The following PLLP variants were observed in gnomAD, a reference collection of about 807,000 sequenced individuals.
The protein encoded by PLLP is plasmolipin.
Under a neutral mutation model 19.7 loss-of-function variants are expected in PLLP, and 15 were observed. The ratio of observed to expected loss-of-function variants is 0.76; its 90% confidence interval spans 0.51 to 1.17. The LOEUF (loss-of-function observed/expected upper bound fraction) is 1.17. Ranked by LOEUF, PLLP falls within the 50% of genes most tolerant of loss-of-function variation. The pLI, the probability that PLLP is intolerant of heterozygous loss-of-function variation, is 0.00. For missense variants in PLLP, 255 were observed against 258.3 expected, an observed-to-expected ratio of 0.99 and a Z score of 0.09; for synonymous variants, 111 against 116.3, an observed-to-expected ratio of 0.95 and a Z score of 0.29.
Position 57,284,398 on chromosome 16 carries a change from G to A in PLLP, c.135+8C>T. The stretch of plus-strand genomic sequence containing the variant: ...CGGCCAACCCCGTGGGCCCGCGCGT[G>A]CTCTCACCAGCTGCAGCAGCATGAG... On this transcript the variant is annotated splice_region_variant and intron_variant, in intron 1 of 3. Transcript: ENST00000219207. 2.1e-6 allele frequency: 3 copies of A among 1,399,516 alleles called. No individual in the cohort carries two copies. The highest frequency in any genetic ancestry group is 3.0e-5 in the East Asian group (1 of 33,102). The allele number at this position is 1,399,516 out of a possible 1,614,324, so 86.7% of individuals were successfully genotyped here.
chr16:57,284,017 AAAAG>A (rs2146454329), intron 1 of PLLP, among the ~76,000 whole-genome samples: 1 of 152,118 alleles, frequency 6.6e-6, no homozygotes, highest in Non-Finnish European at 1.5e-5. Context: ...AGAGGGGTGA[AAAAG>A]AGAGAGGAGG....
At chr16:57,283,756 G>T (rs1403539794) in intron 1 of PLLP, among the ~76,000 whole-genome samples, 2 of 152,214 alleles carry the variant, frequency 1.3e-5, no homozygotes, top group Non-Finnish European at 2.9e-5. Context: ...GTCCCGTGGG[G>T]CTGGCTAAAC....
At position 57,256,202 on chromosome 16, in the gene PLLP, A is replaced by G. The variant is rs763492446; in HGVS notation, c.*711T>C. Reference sequence around the variant, plus strand: ...TGCTTCCCTCCCTCCTTTGCGTCCCATGTGCCTAGTCAGCAAGGTCGGGGA... The same window carrying G: ...TGCTTCCCTCCCTCCTTTGCGTCCCGTGTGCCTAGTCAGCAAGGTCGGGGA... On this transcript the variant is annotated 3_prime_UTR_variant, in exon 4 of 4. Transcript: ENST00000219207. 25 of 395,012 alleles carry G rather than the reference A, an allele frequency of 6.3e-5. No individual in the cohort carries two copies. The highest frequency in any genetic ancestry group is 1.0e-4 in the Non-Finnish European group (23 of 224,464). 24.5% of individuals were successfully genotyped at this position (395,012 alleles called of 1,614,324 possible).
chr16:57,270,471 T>C (rs999954751), intron 1 of PLLP, among the ~76,000 whole-genome samples: 1 of 151,632 alleles, frequency 6.6e-6, no homozygotes, highest in Non-Finnish European at 1.5e-5. Flanking sequence ...ACGCCCAGCA[T>C]GGCAAAGCAA....
At chr16:57,265,391 G>A (rs1377340171) in intron 1 of PLLP, among the ~76,000 whole-genome samples, 1 of 152,254 alleles carries the variant, frequency 6.6e-6, no homozygotes, top group Non-Finnish European at 1.5e-5. Flanking sequence ...AACTGGGTGC[G>A]TCCAAGATAA....
At chr16:57,272,601 T>C (rs2075479374) in intron 1 of PLLP, among the ~76,000 whole-genome samples, 1 of 152,192 alleles carries the variant, frequency 6.6e-6, no homozygotes, top group African/African-American at 2.4e-5. Flanking sequence ...CTACACCCAA[T>C]GCTGGCACTG....
In PLLP at chr16:57,256,304, T is replaced by G. The variant is rs555591951; in HGVS notation, c.*609A>C. 9.3e-4 allele frequency: 343 copies of G among 369,490 alleles called. 3 individuals are homozygous for G. Among genetic ancestry groups the G allele is most frequent in the Admixed American group, 2.4e-3 (53 of 21,818 alleles). 22.9% of individuals were successfully genotyped at this position (369,490 alleles called of 1,614,324 possible). Reference sequence around the variant, plus strand: ...AAAGGGAAGGAAACCTGGACAGGCTTTTCAGCACTGAGAAATCACTTAAAA... The same window carrying G: ...AAAGGGAAGGAAACCTGGACAGGCTGTTCAGCACTGAGAAATCACTTAAAA... On this transcript the variant is annotated 3_prime_UTR_variant, in exon 4 of 4. Transcript: ENST00000219207.
chr16:57,278,925 C>T (rs1156801126), intron 1 of PLLP, among the ~76,000 whole-genome samples: 4 of 152,236 alleles, frequency 2.6e-5, no homozygotes, highest in African/African-American at 7.2e-5. Context: ...GAGACAGAGC[C>T]GGTATCACCA....
intron 1 of PLLP, among the ~76,000 whole-genome samples, chr16:57,278,285 A>G (rs1337178738): frequency 1.3e-5 from 2 of 152,188 alleles, no homozygotes; most frequent in African/African-American, 4.8e-5. Context: ...GGTTGCAGTG[A>G]GCTGAGATTA....
intron 1 of PLLP, among the ~76,000 whole-genome samples, chr16:57,279,002 G>A (rs1901186662): frequency 6.6e-6 from 1 of 152,192 alleles, no homozygotes; most frequent in Non-Finnish European, 1.5e-5. Context: ...GAAGAACTGA[G>A]CTCCCTGTCT....
intron 1 of PLLP, among the ~76,000 whole-genome samples, chr16:57,271,519 C>T (rs1220666349): frequency 6.6e-6 from 1 of 151,986 alleles, no homozygotes; most frequent in African/African-American, 2.4e-5. Context: ...GTGGTGGGCA[C>T]CTGTAATCCC....
At chr16:57,271,779 G>C (rs2146445997) in intron 1 of PLLP, among the ~76,000 whole-genome samples, 2 of 152,204 alleles carry the variant, frequency 1.3e-5, no homozygotes, top group South Asian at 4.1e-4. Flanking sequence ...CCGCCCCCAG[G>C]TGTGTGAAGG....
chr16:57,258,729 C>T (rs1597957769), intron 2 of PLLP, 145 bp from the exon 3 acceptor site: 4 of 761,006 alleles, frequency 5.3e-6, no homozygotes, highest in South Asian at 1.7e-5. Context: ...AGAGACCAGC[C>T]TGGGGAACAT....
At chr16:57,260,694 A>T (rs1369677663) in intron 2 of PLLP, among the ~76,000 whole-genome samples, 2 of 151,532 alleles carry the variant, frequency 1.3e-5, no homozygotes, top group Non-Finnish European at 2.9e-5. Flanking sequence ...GGTCAGAGGA[A>T]AAAAAAAACC....
intron 1 of PLLP, among the ~76,000 whole-genome samples, chr16:57,282,266 CAA>C (rs1334436494): frequency 4.0e-4 from 60 of 150,344 alleles, no homozygotes; most frequent in African/African-American, 1.5e-3. Context: ...CTGTTTGAGA[CAA>C]AGTCTCATTC....
Position 57,256,631 on chromosome 16 carries a change from A to C in PLLP, c.*282T>G. 1 of 428,164 alleles carries C rather than the reference A, an allele frequency of 2.3e-6. No homozygotes were observed. The highest frequency in any genetic ancestry group is 4.3e-6 in the Non-Finnish European group (1 of 234,592). The allele number at this position is 428,164 out of a possible 1,614,324, so 26.5% of individuals were successfully genotyped here. A position where few individuals can be genotyped will look rare whatever the true frequency, so the allele number is the denominator to read the frequency against. ...TCTTGGACGCTGAAGTCCTCTAAAG[A>C]CAAGGCAGAGACACAGCCTCAGATC... On this transcript the variant is annotated 3_prime_UTR_variant, in exon 4 of 4. Coordinates refer to ENST00000219207, the MANE Select transcript of PLLP (RefSeq NM_015993.3).
At chr16:57,279,005 C>T (rs1383965804) in intron 1 of PLLP, among the ~76,000 whole-genome samples, 2 of 152,202 alleles carry the variant, frequency 1.3e-5, no homozygotes, top group Non-Finnish European at 2.9e-5. Context: ...GAACTGAGCT[C>T]CCTGTCTCTG....
intron 1 of PLLP, among the ~76,000 whole-genome samples, 169 bp downstream of exon 1, chr16:57,284,237 C>G (rs1274078477): frequency 6.6e-6 from 1 of 152,124 alleles, no homozygotes; most frequent in Non-Finnish European, 1.5e-5. Flanking sequence ...ATCTTGGGGG[C>G]GTCCGTGCGG....
intron 1 of PLLP, among the ~76,000 whole-genome samples, chr16:57,276,304 A>G (rs1567532694): frequency 6.6e-6 from 1 of 152,200 alleles, no homozygotes; most frequent in East Asian, 1.9e-4. Context: ...TAAAAATATA[A>G]AAATTAGCTG....
Sources: allele counts gnomAD v4.1 joint callset (sites outside exome capture counted in the v4.1 genomes callset), GRCh38; gene constraint gnomAD v4.1.1; transcripts MANE v1.5; gene names NCBI Gene and HGNC (gene_info 2026-07-23, HGNC 2026-07-21).